Variants in SH3D19 observed in about 807,000 individuals in gnomAD.
SH3D19 encodes SH3 domain-containing protein 19.
In SH3D19, 58 loss-of-function variants were observed where a neutral mutation model predicts 112.1. The ratio of observed to expected loss-of-function variants is 0.52; its 90% CI spans 0.42 to 0.64. The LOEUF is 0.64. Ranked by LOEUF, SH3D19 falls within the 30% of genes least tolerant of loss-of-function variation. SH3D19 has a pLI of 0.00. For synonymous variants in SH3D19, 391 were observed against 448.5 expected, an observed-to-expected ratio of 0.87 and a Z score of 1.62; for missense variants, 1,090 against 1,263.4, an observed-to-expected ratio of 0.86 and a Z score of 2.08.
chr4:151,311,669 T>A (rs1729471310), intron 1 of SH3D19, among the ~76,000 whole-genome samples: 1 of 151,992 alleles, frequency 6.6e-6, no homozygotes. Context: ...CAAGACCCTA[T>A]CTCTACAAAA....
intron 1 of SH3D19, among the ~76,000 whole-genome samples, chr4:151,237,845 T>C (rs776737725): frequency 6.6e-6 from 1 of 152,210 alleles, no homozygotes; most frequent in African/African-American, 2.4e-5. Context: ...GGATTTTTCT[T>C]TTTTATTACT....
Position 151,143,965 on chromosome 4 carries a change from A to G in SH3D19, c.2168T>C (p.Leu723Pro). 6.2e-7 allele frequency: 1 copy of G among 1,614,106 alleles called. No homozygotes were observed. The highest frequency in any genetic ancestry group is 8.5e-7 in the Non-Finnish European group (1 of 1,180,012). The change falls in exon 12 of 20, where the codon CTG (leucine) becomes CCG (proline). Residue 723 changes from leucine to proline, a missense_variant. Transcript: ENST00000604030. ...QKGEDTGRVH[L>P]SQMKIITPLD... ...TGGAGTGATAATCTTCATTTGAGAC[A>G]GGTGAACTCTGCCAGTGTCTTCTCC...
At chr4:151,266,631 G>T (rs926073367) in intron 1 of SH3D19, among the ~76,000 whole-genome samples, 2 of 152,158 alleles carry the variant, frequency 1.3e-5, no homozygotes, top group African/African-American at 4.8e-5. Flanking sequence ...CCTTGAATTT[G>T]ATCTCTTCTA....
At chr4:151,321,031 ACT>A (rs1373707351) in intron 1 of SH3D19, among the ~76,000 whole-genome samples, 2 of 152,180 alleles carry the variant, frequency 1.3e-5, no homozygotes, top group Admixed American at 6.5e-5. Context: ...ACAGAGCAAG[ACT>A]CTGTCTCAAA....
chr4:151,132,034 G>T (rs1750830070), intron 17 of SH3D19, among the ~76,000 whole-genome samples: 1 of 151,924 alleles, frequency 6.6e-6, no homozygotes, highest in African/African-American at 2.4e-5. Flanking sequence ...ATGTTGGCCA[G>T]GCTGGTCTCG....
intron 7 of SH3D19, among the ~76,000 whole-genome samples, chr4:151,168,422 C>T (rs570860819): frequency 4.1e-5 from 6 of 147,624 alleles, no homozygotes; most frequent in South Asian, 4.2e-4. Flanking sequence ...TTTTGAGACA[C>T]GGTCTCACTC....
Position 151,165,578 on chromosome 4 carries a change from G to A in SH3D19, c.1642+11C>T. Reference sequence around the variant, plus strand: ...TGAAGAAGCTAATAAAGAAAGCAGAGAAGTGCTTACATTTTCCTGGTTTGG... The same window carrying A: ...TGAAGAAGCTAATAAAGAAAGCAGAAAAGTGCTTACATTTTCCTGGTTTGG... On this transcript the variant is annotated intron_variant, in intron 8 of 19. Coordinates refer to ENST00000604030, the MANE Select transcript of SH3D19 (RefSeq NM_001378122.1). 6.3e-7 allele frequency: 1 copy of A among 1,599,748 alleles called. No individual in the cohort carries two copies. The highest frequency in any genetic ancestry group is 8.6e-7 in the Non-Finnish European group (1 of 1,167,436).
At chr4:151,285,017 A>G (rs1331901649) in intron 1 of SH3D19, among the ~76,000 whole-genome samples, 4 of 152,092 alleles carry the variant, frequency 2.6e-5, no homozygotes, top group Admixed American at 2.6e-4. Flanking sequence ...TAATTCCTCA[A>G]GTCAGTAAGA....
chr4:151,277,285 ACATAGAACAATGTGACACTT>A, intron 1 of SH3D19: 2 of 1,323,160 alleles, frequency 1.5e-6, no homozygotes, highest in Non-Finnish European at 2.0e-6. Flanking sequence ...AGAGGGCATC[ACATAGAACAATGTGACACTT>A]CACCCATGGG....
intron 7 of SH3D19, among the ~76,000 whole-genome samples, chr4:151,168,569 G>C (rs185111588): frequency 4.9e-4 from 74 of 151,968 alleles, no homozygotes; most frequent in African/African-American, 1.8e-3. Flanking sequence ...TGAGTATCTG[G>C]TACTACAGGA....
chr4:151,190,967 C>T (rs1172121844), intron 2 of SH3D19, among the ~76,000 whole-genome samples: 5 of 152,218 alleles, frequency 3.3e-5, no homozygotes, highest in Non-Finnish European at 5.9e-5. Context: ...CTATACCCTG[C>T]AAAACCACAG....
intron 14 of SH3D19, among the ~76,000 whole-genome samples, chr4:151,135,689 A>G (rs1235766962): frequency 6.6e-6 from 1 of 152,012 alleles, no homozygotes. Context: ...TTAGCCTCCC[A>G]AAGTGCTGGT....
rs112003674 is a variant in SH3D19 at position 151,223,609 on chromosome 4, C to T, written c.152+2438G>A. Among the ~76,000 whole-genome samples, 1,151 of 152,306 alleles carry T rather than the reference C, an allele frequency of 7.6e-3. 12 individuals carry two copies. The highest frequency in any genetic ancestry group is 0.026 in the African/African-American group (1,071 of 41,576). Reference sequence around the variant, plus strand: ...GGAAGAATTCTGCTAGTTTCCTCCACGTATCAGCCTCTGGGTGTTTGAAGC... The same window carrying T: ...GGAAGAATTCTGCTAGTTTCCTCCATGTATCAGCCTCTGGGTGTTTGAAGC... On this transcript the variant is annotated intron_variant, in intron 2 of 19. Transcript: ENST00000604030.
At chr4:151,213,322 G>A (rs564710328) in intron 2 of SH3D19, among the ~76,000 whole-genome samples, 3 of 152,266 alleles carry the variant, frequency 2.0e-5, no homozygotes, top group East Asian at 1.9e-4. Context: ...AGAGTCAATC[G>A]ATGTGGCAAA....
chr4:151,206,439 C>T (rs1765124702), intron 2 of SH3D19, among the ~76,000 whole-genome samples: 1 of 152,182 alleles, frequency 6.6e-6, no homozygotes, highest in Admixed American at 6.5e-5. Flanking sequence ...ACACTTCCCT[C>T]TTCATACAAC....
intron 1 of SH3D19, among the ~76,000 whole-genome samples, chr4:151,323,193 C>T (rs1312268797): frequency 6.6e-6 from 1 of 152,114 alleles, no homozygotes; most frequent in Non-Finnish European, 1.5e-5. Flanking sequence ...AGTTCACAGA[C>T]TACCTTAAGT....
intron 8 of SH3D19, 39 bp downstream of exon 8, chr4:151,165,549 CT>C (rs1757860714): frequency 3.2e-5 from 46 of 1,444,518 alleles, no homozygotes; most frequent in Non-Finnish European, 4.4e-5. Context: ...TTCTCCCAGC[CT>C]CTTGAAGAAG....
At chr4:151,276,766 A>C (rs1212965682) in intron 1 of SH3D19, among the ~76,000 whole-genome samples, 1 of 152,182 alleles carries the variant, frequency 6.6e-6, no homozygotes, top group Non-Finnish European at 1.5e-5. Flanking sequence ...AACAAACAAA[A>C]AAACTCAGAA....
intron 2 of SH3D19, among the ~76,000 whole-genome samples, chr4:151,201,928 C>G (rs964842421): frequency 2.0e-5 from 3 of 151,490 alleles, no homozygotes; most frequent in African/African-American, 7.3e-5. Context: ...AGGAGATTTG[C>G]TTGAACTCGG....
Sources: allele counts gnomAD v4.1 joint callset (sites outside exome capture counted in the v4.1 genomes callset), GRCh38; gene constraint gnomAD v4.1.1; transcripts MANE v1.5; gene names NCBI Gene and HGNC (gene_info 2026-07-23, HGNC 2026-07-21).